CEP85: variants seen among roughly 807,000 people sequenced by gnomAD.
CEP85 encodes centrosomal protein 85.
A neutral mutation model predicts 93.7 loss-of-function variants in CEP85; 58 were observed. The observed-to-expected ratio is 0.62, with a 90% CI of 0.50 to 0.77. The LOEUF is 0.77. CEP85 is among the 30% of genes least tolerant of loss of function. The probability of loss-of-function intolerance (pLI) is 0.00; values close to 1 mark genes in which losing one functional copy is unlikely to be tolerated. For synonymous variants in CEP85, 314 were observed against 338.6 expected, an observed-to-expected ratio of 0.93 and a Z score of 0.80; for missense variants, 868 against 922.0, an observed-to-expected ratio of 0.94 and a Z score of 0.76.
intron 7 of CEP85, among the ~76,000 whole-genome samples, chr1:26,266,391 A>C (rs1406492615): frequency 4.6e-5 from 7 of 152,146 alleles, no homozygotes; most frequent in Non-Finnish European, 1.5e-5. Flanking sequence ...TGTCTCAAAA[A>C]AATAATAAAT....
chr1:26,244,031 G>T, intron 2 of CEP85, 135 bp from the exon 3 acceptor site: 1 of 619,006 alleles, frequency 1.6e-6, no homozygotes, highest in Non-Finnish European at 2.5e-6. Context: ...GATCGGAGCA[G>T]CTGAAATAGG....
intron 6 of CEP85, 107 bp downstream of exon 6, chr1:26,258,367 AAG>A: frequency 1.4e-6 from 1 of 740,398 alleles, no homozygotes; most frequent in South Asian, 1.6e-5. Context: ...CAAGTGATGT[AAG>A]TGTCCCTGCC....
In CEP85 at chr1:26,271,044, CAGTGGAGAAGGTCCAGA is replaced by C. The variant is rs1364621408; in HGVS notation, c.1687_1703del (p.Glu563AsnfsTer76). On this transcript the variant is annotated frameshift_variant, in exon 10 of 14. Coordinates refer to ENST00000451429, the MANE Select transcript of CEP85 (RefSeq NM_001319944.2). LOFTEE classifies it high-confidence loss of function. ...AAGATAAACAGTCTGTGGAGGAGAC[CAGTGGAGAAGGTCCAGA>C]AGTGGAAATGGAGTCCTGGCAGAAG... The C allele has an allele frequency of 1.2e-6, 2 of 1,613,204 alleles. No homozygotes were observed. Among genetic ancestry groups the C allele is most frequent in the African/African-American group, 2.7e-5 (2 of 74,882 alleles).
Position 26,277,359 on chromosome 1 carries a change from C to T in CEP85, c.*66C>T. 1.4e-6 allele frequency: 2 copies of T among 1,481,044 alleles called. No homozygotes were observed. Among genetic ancestry groups the T allele is most frequent in the Non-Finnish European group, 1.9e-6 (2 of 1,072,774 alleles). The allele number at this position is 1,481,044 out of a possible 1,614,324, so 91.7% of individuals were successfully genotyped here. A position where few individuals can be genotyped will look rare whatever the true frequency, so the allele number is the denominator to read the frequency against. On this transcript the variant is annotated 3_prime_UTR_variant, in exon 14 of 14. Coordinates refer to ENST00000451429, the MANE Select transcript of CEP85 (RefSeq NM_001319944.2). ...GAGAGCCTAGTCCAGCAGGTTTCTG[C>T]CCTGACATTCTCTTGTCTGCTATTC...
chr1:26,237,617 CT>C (rs1014423430), intron 1 of CEP85, among the ~76,000 whole-genome samples: 2 of 152,154 alleles, frequency 1.3e-5, no homozygotes, highest in Non-Finnish European at 2.9e-5. Flanking sequence ...GTTGTTTCCA[CT>C]TTTTGGCTAT....
At chr1:26,258,365 G>A (rs985691258) in intron 6 of CEP85, 105 bp downstream of exon 6, 19 of 750,428 alleles carry the variant, frequency 2.5e-5, no homozygotes, top group Non-Finnish European at 4.0e-5. Context: ...CTCAAGTGAT[G>A]TAAGTGTCCC....
intron 7 of CEP85, among the ~76,000 whole-genome samples, chr1:26,261,000 A>C (rs2089799068): frequency 6.6e-6 from 1 of 151,306 alleles, no homozygotes. Context: ...CATGTTGGCC[A>C]GGCTGGTCTC....
rs376672991 is a variant in CEP85, at chr1:26,236,273, A to G, written c.-23+1963A>G. 3.8e-4 allele frequency among the ~76,000 whole-genome samples: 58 copies of G among 152,348 alleles called. 1 individual carries two copies. The highest frequency in any genetic ancestry group is 1.4e-3 in the African/African-American group (58 of 41,580). ...CATGAAACATGAGACATGATACTTAAAAAGTGTTGAGCACAGTGTTTGATA... is the reference window on the plus strand; with the variant it reads ...CATGAAACATGAGACATGATACTTAGAAAGTGTTGAGCACAGTGTTTGATA... On this transcript the variant is annotated intron_variant, in intron 1 of 13. Transcript: ENST00000451429.
intron 11 of CEP85, among the ~76,000 whole-genome samples, chr1:26,272,744 T>A (rs1007303344): frequency 2.0e-5 from 3 of 148,968 alleles, no homozygotes; most frequent in African/African-American, 7.4e-5. Context: ...TTCTCCTGCC[T>A]CAGCCTCCCG....
chr1:26,260,288 C>T (rs1261920636), intron 7 of CEP85, among the ~76,000 whole-genome samples: 1 of 152,078 alleles, frequency 6.6e-6, no homozygotes, highest in Non-Finnish European at 1.5e-5. Context: ...GTCCAGAGTT[C>T]GAGACCAGCC....
chr1:26,238,852 T>C (rs2089372452), intron 1 of CEP85, among the ~76,000 whole-genome samples: 1 of 152,208 alleles, frequency 6.6e-6, no homozygotes. Flanking sequence ...TAGTGTACTG[T>C]AAATATAAAT....
chr1:26,257,446 T>C, intron 4 of CEP85, 151 bp from the exon 5 acceptor site: 2 of 841,088 alleles, frequency 2.4e-6, no homozygotes, highest in South Asian at 4.2e-5. Context: ...TTTCCAGTCA[T>C]GCCTCAGAGC....
chr1:26,276,797 G>A (rs1382928179), intron 13 of CEP85, 37 bp downstream of exon 13: 4 of 1,521,588 alleles, frequency 2.6e-6, no homozygotes, highest in Middle Eastern at 1.7e-4. Context: ...CAGGAAGGAG[G>A]GTCCTTCTTT....
chr1:26,272,123 T>G, intron 11 of CEP85, 52 bp downstream of exon 11: 295 of 1,542,354 alleles, frequency 1.9e-4, no homozygotes, highest in Non-Finnish European at 2.4e-4. Context: ...ATGGAATCTC[T>G]AGAATTTAGC....
chr1:26,272,635 T>A (rs1381491647), intron 11 of CEP85, among the ~76,000 whole-genome samples: 2 of 141,546 alleles, frequency 1.4e-5, no homozygotes, highest in Non-Finnish European at 3.1e-5. Context: ...TTTTTTTTTT[T>A]TTTTTTTTTG....
intron 1 of CEP85, among the ~76,000 whole-genome samples, chr1:26,234,748 CGAG>C (rs2089298287): frequency 6.6e-6 from 1 of 152,152 alleles, no homozygotes; most frequent in African/African-American, 2.4e-5. Flanking sequence ...GAGCCCTCCC[CGAG>C]GAGGAGAAGT....
At chr1:26,271,805 G>A (rs527437808) in intron 10 of CEP85, 12 of 583,732 alleles carry the variant, frequency 2.1e-5, no homozygotes, top group South Asian at 6.2e-5. Context: ...CTACATTCCT[G>A]TATAAACCTT....
At chr1:26,243,120 G>A (rs6598948) in intron 2 of CEP85, among the ~76,000 whole-genome samples, 133,803 of 149,200 alleles carry the variant, frequency 0.9, 61,038 homozygotes, top group African/African-American at 0.96. Context: ...CAGTGAAGCA[G>A]TGATTTTCTT....
Position 26,277,428 on chromosome 1 carries a change from C to G in CEP85, c.*135C>G. The stretch of plus-strand genomic sequence containing the variant: ...GGAGGGGAGAGCCTGCATCTGGGGG[C>G]CAAGGGCTGATTAGGGAACTGTGTC... On this transcript the variant is annotated 3_prime_UTR_variant, in exon 14 of 14. Coordinates refer to ENST00000451429, the MANE Select transcript of CEP85 (RefSeq NM_001319944.2). 1 of 781,370 alleles carries G rather than the reference C, an allele frequency of 1.3e-6. No homozygotes were observed. Among genetic ancestry groups the G allele is most frequent in the South Asian group, 1.8e-5 (1 of 55,140 alleles). 48.4% of individuals were successfully genotyped at this position (781,370 alleles called of 1,614,324 possible). A position where few individuals can be genotyped will look rare whatever the true frequency, so the allele number is the denominator to read the frequency against.
Sources: gnomAD v4.1 joint callset for allele counts (sites outside exome capture counted in the v4.1 genomes callset) on GRCh38, gnomAD v4.1.1 for gene constraint, MANE v1.5 for transcripts, NCBI Gene and HGNC (gene_info 2026-07-23, HGNC 2026-07-21) for gene names.